Variants in RBM17 observed in about 807,000 individuals in gnomAD.
RBM17 encodes the protein RNA binding motif protein 17, also known as splicing factor 45.
A neutral mutation model predicts 53.2 loss-of-function variants in RBM17; 7 were observed. That is an observed-to-expected ratio of 0.13 (90% CI 0.07 to 0.25). The LOEUF is 0.25. Among genes scored for constraint, RBM17 ranks in the 10% least tolerant of loss-of-function variants. The pLI is 1.00. For missense variants in RBM17, 257 were observed against 496.7 expected (o/e 0.52, Z 4.59); for synonymous variants, 167 against 178.1 (o/e 0.94, Z 0.50).
chr10:6,094,874 C>T (rs375181133), intron 1 of RBM17, among the ~76,000 whole-genome samples: 1 of 152,128 alleles, frequency 6.6e-6, no homozygotes, highest in Non-Finnish European at 1.5e-5. Context: ...GTATAAACTG[C>T]AGTTTGGCCT....
intron 5 of RBM17, 155 bp downstream of exon 5, chr10:6,106,393 T>A: frequency 1.7e-6 from 1 of 575,806 alleles, no homozygotes; most frequent in Non-Finnish European, 3.1e-6. Context: ...TGCGTCACAG[T>A]TTTAATTTAT....
intron 2 of RBM17, among the ~76,000 whole-genome samples, chr10:6,098,556 G>GGTTTTTTT (rs1840613398): frequency 2.5e-4 from 22 of 87,982 alleles, no homozygotes; most frequent in Admixed American, 8.2e-4. Context: ...TAATACACAG[G>GGTTTTTTT]TTTTTTGTTT....
chr10:6,115,029 TC>T (rs2132957087), intron 10 of RBM17: 1 of 569,782 alleles, frequency 1.8e-6, no homozygotes, highest in East Asian at 2.9e-5. Flanking sequence ...AGCCCTGTGT[TC>T]CTGGCACCTA....
At position 6,089,997 on chromosome 10, in the gene RBM17, GA is replaced by G; in HGVS notation, c.-19+809del. 6.6e-6 allele frequency: 1 copy of G among 152,464 alleles called. No individual in the cohort carries two copies. Among genetic ancestry groups the G allele is most frequent in the Non-Finnish European group, 1.5e-5 (1 of 68,086 alleles). The allele number at this position is 152,464 out of a possible 1,614,324, so 9.4% of individuals were successfully genotyped here. A position where few individuals can be genotyped will look rare whatever the true frequency, so the allele number is the denominator to read the frequency against. On this transcript the variant is annotated intron_variant, in intron 1 of 11. Transcript: ENST00000379888. The surrounding 1 kb of genome is among the most constrained non-coding windows in gnomAD (Gnocchi z 5.6). ...GTACGTTGTTAGATGTGAGAGGTGG[GA>G]AAAAGGCTGCCGGCGGAGGAAGTAA...
intron 2 of RBM17, among the ~76,000 whole-genome samples, chr10:6,100,273 A>G (rs771304164): frequency 2.0e-5 from 3 of 152,342 alleles, no homozygotes; most frequent in Non-Finnish European, 4.4e-5. Flanking sequence ...AAACCTTTCT[A>G]ATCAAAAGAT....
chr10:6,098,556 G>GTTTTTTGTTT (rs750615940), intron 2 of RBM17, among the ~76,000 whole-genome samples: 1 of 87,976 alleles, frequency 1.1e-5, no homozygotes, highest in African/African-American at 4.0e-5. Flanking sequence ...TAATACACAG[G>GTTTTTTGTTT]TTTTTTGTTT....
intron 10 of RBM17, 53 bp from the exon 11 acceptor site, chr10:6,115,186 C>G: frequency 7.2e-7 from 1 of 1,383,962 alleles, no homozygotes; most frequent in Non-Finnish European, 1.0e-6. Flanking sequence ...AGAGAAAACT[C>G]ATTCAATGCA....
At position 6,089,355 on chromosome 10, in the gene RBM17, G is replaced by A. The variant is rs1218490365; in HGVS notation, c.-19+162G>A. The A allele has an allele frequency of 1.3e-5, 2 of 152,254 alleles. No individual in the cohort carries two copies. Among genetic ancestry groups the A allele is most frequent in the African/African-American group, 2.4e-5 (1 of 41,438 alleles). The allele number at this position is 152,254 out of a possible 1,614,324, so 9.4% of individuals were successfully genotyped here. On this transcript the variant is annotated intron_variant, in intron 1 of 11. Coordinates refer to ENST00000379888, the MANE Select transcript of RBM17 (RefSeq NM_032905.5). This position sits in a 1 kb window ranked among gnomAD's most constrained non-coding sequence, Gnocchi z 5.6. Reference sequence around the variant, plus strand: ...AGCCTCCGAGGGTCTCAGTCCCCGCGGCGGGCGCTGGTCTCTCCACGCGGC... The same window carrying A: ...AGCCTCCGAGGGTCTCAGTCCCCGCAGCGGGCGCTGGTCTCTCCACGCGGC...
chr10:6,099,718 A>C (rs917376574), intron 2 of RBM17, among the ~76,000 whole-genome samples: 3 of 152,180 alleles, frequency 2.0e-5, no homozygotes, highest in African/African-American at 7.2e-5. Context: ...ACCTGTAGAT[A>C]CAGAGGGCCA....
At position 6,104,925 on chromosome 10, in the gene RBM17, C is replaced by T. The variant is rs759619646; in HGVS notation, c.241-6C>T. 1.2e-6 allele frequency: 2 copies of T among 1,612,532 alleles called. No homozygotes were observed. Among genetic ancestry groups the T allele is most frequent in the Non-Finnish European group, 1.7e-6 (2 of 1,178,970 alleles). ...GGATTCTTACTGCTGTTTTTACCTT[C>T]CTCAGGATCCTGTTCCCAGTGGGTT... On this transcript the variant is annotated splice_region_variant and splice_polypyrimidine_tract_variant and intron_variant, in intron 3 of 11. Coordinates refer to ENST00000379888, the MANE Select transcript of RBM17 (RefSeq NM_032905.5).
chr10:6,098,720 C>T (rs531421356), intron 2 of RBM17, among the ~76,000 whole-genome samples: 3 of 152,108 alleles, frequency 2.0e-5, no homozygotes, highest in South Asian at 2.1e-4. Flanking sequence ...GGACTACAGG[C>T]GCCCACCACT....
At chr10:6,099,927 G>A (rs370267023) in intron 2 of RBM17, among the ~76,000 whole-genome samples, 6 of 151,976 alleles carry the variant, frequency 3.9e-5, no homozygotes, top group African/African-American at 9.7e-5. Flanking sequence ...GTGTGGTGGC[G>A]TGCATCTGTA....
rs1469620511 is a variant in RBM17, at chr10:6,104,832, T to A, written c.241-99T>A. 3 of 981,438 alleles carry A rather than the reference T, an allele frequency of 3.1e-6. No homozygotes were observed. In the African/African-American group the frequency reaches 4.9e-5, roughly 16 times the overall value. The allele number at this position is 981,438 out of a possible 1,614,324, so 60.8% of individuals were successfully genotyped here. A position where few individuals can be genotyped will look rare whatever the true frequency, so the allele number is the denominator to read the frequency against. ...AAACAGAGGAAGGGGCTAGATGATGTTCAGAGTCCTTTTATCTCCCATACG... is the reference window on the plus strand; with the variant it reads ...AAACAGAGGAAGGGGCTAGATGATGATCAGAGTCCTTTTATCTCCCATACG... On this transcript the variant is annotated intron_variant, in intron 3 of 11. Coordinates refer to ENST00000379888, the MANE Select transcript of RBM17 (RefSeq NM_032905.5).
intron 2 of RBM17, among the ~76,000 whole-genome samples, chr10:6,100,730 A>G (rs912528978): frequency 2.0e-5 from 3 of 152,144 alleles, no homozygotes; most frequent in Admixed American, 6.5e-5. Context: ...CTGAATGTGA[A>G]CTGGATGGGA....
chr10:6,093,968 ATTTTTTTTTTTTTTT>A (rs71390121), intron 1 of RBM17, among the ~76,000 whole-genome samples: 1 of 93,264 alleles, frequency 1.1e-5, no homozygotes, highest in Non-Finnish European at 2.1e-5. Context: ...CAAGTGTGGA[ATTTTTTTTTTTTTTT>A]TTTTTTTTTG....
Position 6,116,064 on chromosome 10 carries a change from A to C in RBM17, c.*508A>C, listed in dbSNP as rs1840911765. ...TGCTTTCTCTAACAGAGAAATTCTTAGTGACTCCAGTCGTAGAAAAACGTC... is the reference window on the plus strand; with the variant it reads ...TGCTTTCTCTAACAGAGAAATTCTTCGTGACTCCAGTCGTAGAAAAACGTC... On this transcript the variant is annotated 3_prime_UTR_variant, in exon 12 of 12. Transcript: ENST00000379888. 6.6e-6 allele frequency: 1 copy of C among 152,476 alleles called. No individual in the cohort carries two copies. The highest frequency in any genetic ancestry group is 6.5e-5 in the Admixed American group (1 of 15,284). The allele number at this position is 152,476 out of a possible 1,614,324, so 9.4% of individuals were successfully genotyped here.
chr10:6,102,503 A>C (rs568500727), intron 3 of RBM17, among the ~76,000 whole-genome samples: 8 of 152,146 alleles, frequency 5.3e-5, no homozygotes, highest in African/African-American at 1.7e-4. Context: ...TTTTTTGCTG[A>C]TTCCTAGTCA....
At chr10:6,101,243 A>G (rs1316056116) in intron 2 of RBM17, 28 bp from the exon 3 acceptor site, 9 of 1,434,594 alleles carry the variant, frequency 6.3e-6, no homozygotes, top group South Asian at 1.2e-5. Context: ...AAACTTCAGT[A>G]TGTTTTCCTT....
At chr10:6,106,978 A>C (rs1052623436) in intron 5 of RBM17, among the ~76,000 whole-genome samples, 1 of 152,200 alleles carries the variant, frequency 6.6e-6, no homozygotes, top group Admixed American at 6.5e-5. Flanking sequence ...ATTAGAGCTA[A>C]TCTGCTTTTC....
Sources: gnomAD v4.1 joint callset for allele counts (sites outside exome capture counted in the v4.1 genomes callset) on GRCh38, gnomAD v4.1.1 for gene constraint, Gnocchi (gnomAD v3.1) non-coding constraint, MANE v1.5 for transcripts, NCBI Gene and HGNC (gene_info 2026-07-23, HGNC 2026-07-21) for gene names.